The following PTPRD variants were observed in gnomAD, a reference collection of about 807,000 sequenced individuals.
PTPRD encodes the protein protein tyrosine phosphatase receptor type D.
A neutral mutation model predicts 214.5 loss-of-function variants in PTPRD; 34 were observed. The observed-to-expected ratio is 0.16, with a 90% CI of 0.12 to 0.21. The LOEUF is 0.21. Among genes scored for constraint, PTPRD ranks in the 10% least tolerant of loss-of-function variants. The pLI is 1.00. For missense variants in PTPRD, 2,545 were observed against 2,398.7 expected (o/e 1.06, Z -1.27); for synonymous variants, 1,128 against 845.7 (o/e 1.33, Z -5.79).
intron 11 of PTPRD, among the ~76,000 whole-genome samples, chr9:8,985,670 G>A (rs1241295257): frequency 6.6e-6 from 1 of 151,540 alleles, no homozygotes; most frequent in East Asian, 1.9e-4. Context: ...TTCTACAGGT[G>A]TTAGGTGGTA....
chr9:10,080,592 C>T (rs2098220503), intron 3 of PTPRD, among the ~76,000 whole-genome samples: 1 of 152,086 alleles, frequency 6.6e-6, no homozygotes, highest in South Asian at 2.1e-4. Flanking sequence ...GAAACATGTT[C>T]TACATGCAAA....
chr9:10,397,686 G>C (rs764992449), intron 2 of PTPRD, among the ~76,000 whole-genome samples: 5 of 151,914 alleles, frequency 3.3e-5, no homozygotes, highest in Non-Finnish European at 7.4e-5. Flanking sequence ...ACGGTATTTA[G>C]CACAGTAATA....
At chr9:10,314,729 T>G (rs1031532957) in intron 3 of PTPRD, among the ~76,000 whole-genome samples, 2 of 152,036 alleles carry the variant, frequency 1.3e-5, no homozygotes, top group African/African-American at 4.8e-5. Flanking sequence ...GGGGGGAAAC[T>G]TGCAAGAGTA....
intron 4 of PTPRD, among the ~76,000 whole-genome samples, chr9:10,007,092 TA>T (rs1475807243): frequency 1.3e-5 from 2 of 152,008 alleles, no homozygotes; most frequent in Non-Finnish European, 2.9e-5. Context: ...TCTCTGTTTT[TA>T]AAAAGAAAAC....
intron 3 of PTPRD, among the ~76,000 whole-genome samples, chr9:10,230,457 T>TATCTATCTATCC (rs1554901610): frequency 1.6e-3 from 243 of 151,658 alleles, no homozygotes; most frequent in East Asian, 0.014. Context: ...TCTATCTATC[T>TATCTATCTATCC]ATCTATCTAT....
At chr9:10,595,934 C>T (rs1233407944) in intron 2 of PTPRD, among the ~76,000 whole-genome samples, 2 of 151,788 alleles carry the variant, frequency 1.3e-5, no homozygotes, top group African/African-American at 4.8e-5. Flanking sequence ...GGATCAGATA[C>T]TGTCATTGCC....
chr9:9,473,335 T>C (rs2094769118), intron 8 of PTPRD, among the ~76,000 whole-genome samples: 1 of 152,224 alleles, frequency 6.6e-6, no homozygotes, highest in South Asian at 2.1e-4. Context: ...TAAATGGTAT[T>C]CCATTGTGCA....
chr9:9,448,418 T>C (rs918991419), intron 8 of PTPRD, among the ~76,000 whole-genome samples: 1 of 152,010 alleles, frequency 6.6e-6, no homozygotes, highest in African/African-American at 2.4e-5. Context: ...GATGGTTTCC[T>C]AAGTGTTTGC....
chr9:8,930,633 G>T (rs1469479526), intron 11 of PTPRD, among the ~76,000 whole-genome samples: 3 of 152,142 alleles, frequency 2.0e-5, no homozygotes, highest in African/African-American at 7.2e-5. Context: ...GTTGTTTCCT[G>T]ACTTTTTAAT....
At chr9:10,547,555 T>C (rs1323811096) in intron 2 of PTPRD, among the ~76,000 whole-genome samples, 2 of 152,126 alleles carry the variant, frequency 1.3e-5, no homozygotes, top group African/African-American at 2.4e-5. Context: ...CCCTGACACC[T>C]ACCTTACACA....
chr9:9,494,707 G>T (rs892863934), intron 8 of PTPRD, among the ~76,000 whole-genome samples: 3 of 152,150 alleles, frequency 2.0e-5, no homozygotes, highest in Non-Finnish European at 4.4e-5. Context: ...TAATGGATTG[G>T]AAAACTTCAT....
intron 9 of PTPRD, among the ~76,000 whole-genome samples, chr9:9,291,481 T>A (rs888100674): frequency 1.3e-5 from 2 of 151,452 alleles, no homozygotes; most frequent in Non-Finnish European, 3.0e-5. Flanking sequence ...GAAAATTTAT[T>A]AGAGATTTTG....
intron 2 of PTPRD, among the ~76,000 whole-genome samples, chr9:10,371,985 G>A (rs1015101640): frequency 6.6e-6 from 1 of 152,030 alleles, no homozygotes; most frequent in South Asian, 2.1e-4. Context: ...GATGCTAATG[G>A]CTAACAGCTA....
At chr9:9,852,372 C>T (rs1227403530) in intron 5 of PTPRD, among the ~76,000 whole-genome samples, 3 of 151,792 alleles carry the variant, frequency 2.0e-5, no homozygotes, top group African/African-American at 7.3e-5. Flanking sequence ...ACGAAAGCTA[C>T]CCAGACATAA....
chr9:8,630,440 T>C (rs999408921), intron 14 of PTPRD, among the ~76,000 whole-genome samples: 1 of 151,908 alleles, frequency 6.6e-6, no homozygotes. Flanking sequence ...TTAGAAGTTT[T>C]AAGCAAACAG....
At chr9:9,970,880 C>T (rs985436494) in intron 4 of PTPRD, among the ~76,000 whole-genome samples, 4 of 152,116 alleles carry the variant, frequency 2.6e-5, no homozygotes, top group African/African-American at 9.7e-5. Context: ...AGACAATCTG[C>T]TTATTTTCCA....
At chr9:8,407,128 CG>C in intron 35 of PTPRD, among the ~76,000 whole-genome samples, 1 of 152,242 alleles carries the variant, frequency 6.6e-6, no homozygotes, top group East Asian at 1.9e-4. Flanking sequence ...ACTTTAAAAA[CG>C]AGTAACAGAA....
chr9:9,388,159 T>A (rs1438939586), intron 9 of PTPRD, among the ~76,000 whole-genome samples: 1 of 152,140 alleles, frequency 6.6e-6, no homozygotes, highest in African/African-American at 2.4e-5. Context: ...GCCGCTTGTG[T>A]CTTCTTCCAT....
intron 6 of PTPRD, among the ~76,000 whole-genome samples, chr9:9,746,816 T>C (rs925305004): frequency 2.1e-4 from 18 of 86,382 alleles, no homozygotes; most frequent in Admixed American, 1.9e-3. Context: ...GCTTGAAAAG[T>C]TTTTTTTTTT....
Sources: allele counts gnomAD v4.1 joint callset (sites outside exome capture counted in the v4.1 genomes callset), GRCh38; gene constraint gnomAD v4.1.1; transcripts MANE v1.5; gene names NCBI Gene and HGNC (gene_info 2026-07-23, HGNC 2026-07-21).